Variants in GALNT14 observed in about 807,000 individuals in gnomAD.
GALNT14 encodes the protein polypeptide N-acetylgalactosaminyltransferase 14.
In GALNT14, 60 loss-of-function variants were observed where a neutral mutation model predicts 77.5. That is an observed-to-expected ratio of 0.77 (90% CI 0.63 to 0.96). The LOEUF (loss-of-function observed/expected upper bound fraction) is 0.96. Ranked by LOEUF, GALNT14 falls within the 40% of genes least tolerant of loss-of-function variation. The probability of loss-of-function intolerance (pLI) is 0.00; values close to 1 mark genes in which losing one functional copy is unlikely to be tolerated. For missense variants in GALNT14, 710 were observed against 731.0 expected, an observed-to-expected ratio of 0.97 and a Z score of 0.33; for synonymous variants, 280 against 281.7, an observed-to-expected ratio of 0.99 and a Z score of 0.06.
chr2:31,044,277 C>A (rs4952036), intron 1 of GALNT14, among the ~76,000 whole-genome samples: 62,888 of 151,824 alleles, frequency 0.41, 13,216 homozygotes, highest in East Asian at 0.53. Flanking sequence ...TCATTGTGTT[C>A]ACAAACTCAA....
At chr2:30,906,861 C>A (rs1664158195), downstream of GALNT14, among the ~76,000 whole-genome samples, 1 of 152,218 alleles carries the variant, frequency 6.6e-6, no homozygotes. Flanking sequence ...CAAACTATCT[C>A]TCAGACCACA....
intron 6 of GALNT14, 112 bp downstream of exon 6, chr2:30,955,506 C>A: frequency 7.0e-7 from 1 of 1,428,340 alleles, no homozygotes; most frequent in South Asian, 1.3e-5. Flanking sequence ...GCGATCTGTT[C>A]TGCCCACCTC....
chr2:31,065,222 T>C (rs1329660185), intron 1 of GALNT14: 3 of 152,088 alleles, frequency 2.0e-5, no homozygotes, highest in African/African-American at 7.2e-5. Context: ...TCCAGAGCCC[T>C]GAGGGCAAAG....
chr2:30,979,252 G>C (rs1336315017), intron 2 of GALNT14, among the ~76,000 whole-genome samples: 1 of 152,194 alleles, frequency 6.6e-6, no homozygotes, highest in African/African-American at 2.4e-5. Context: ...GATATCTCAG[G>C]GAGCAAGAGA....
chr2:30,926,808 G>A (rs530929603), intron 11 of GALNT14, among the ~76,000 whole-genome samples: 6 of 152,230 alleles, frequency 3.9e-5, no homozygotes. Flanking sequence ...CAGGGTGCAA[G>A]GAAGTCACGA....
At chr2:31,026,302 C>G (rs1292112085) in intron 1 of GALNT14, among the ~76,000 whole-genome samples, 5 of 152,192 alleles carry the variant, frequency 3.3e-5, no homozygotes, top group Non-Finnish European at 5.9e-5. Flanking sequence ...TTACTCTTCC[C>G]ACAATTATGG....
At chr2:30,952,192 G>T (rs747794105) in intron 6 of GALNT14, among the ~76,000 whole-genome samples, 13 of 152,118 alleles carry the variant, frequency 8.5e-5, no homozygotes, top group Non-Finnish European at 1.9e-4. Flanking sequence ...ATTTAAAAAA[G>T]ACACTTTCTG....
rs189364406 is a variant in GALNT14 at position 31,090,709 on chromosome 2, T to A, written c.129+47249A>T. On this transcript the variant is annotated intron_variant, in intron 1 of 14. Transcript: ENST00000349752. ...GTTGGCCAGGCTGGTCTCGAACTCC[T>A]GACCTCAGGTGATCCACCCGCTTCG... Among the ~76,000 whole-genome samples, 883 of 152,098 alleles carry A rather than the reference T, an allele frequency of 5.8e-3. 4 individuals are homozygous for A. Among genetic ancestry groups the A allele is most frequent in the Non-Finnish European group, 7.1e-3 (486 of 67,988 alleles).
chr2:31,060,399 G>A (rs1270923111), intron 1 of GALNT14, among the ~76,000 whole-genome samples: 5 of 152,120 alleles, frequency 3.3e-5, no homozygotes, highest in Non-Finnish European at 7.3e-5. Flanking sequence ...CAGGGCCAAT[G>A]TCCCACTCCT....
At chr2:30,960,403 T>A (rs1241826309) in intron 3 of GALNT14, among the ~76,000 whole-genome samples, 1 of 152,012 alleles carries the variant, frequency 6.6e-6, no homozygotes, top group Non-Finnish European at 1.5e-5. Context: ...TCTGCGAACA[T>A]CAAAAGGTAA....
chr2:31,050,756 T>C (rs551740733), intron 1 of GALNT14, among the ~76,000 whole-genome samples: 1 of 138,170 alleles, frequency 7.2e-6, no homozygotes, highest in Non-Finnish European at 1.5e-5. Flanking sequence ...AAAATTATTA[T>C]AAAGCAAAAA....
chr2:30,909,717 C>T (rs1222213080), downstream of GALNT14, among the ~76,000 whole-genome samples: 4 of 151,932 alleles, frequency 2.6e-5, no homozygotes. Flanking sequence ...TGGGTATATA[C>T]CCAAAGGACT....
chr2:30,888,660 G>A, the GALNT14 span, among the ~76,000 whole-genome samples: 8 of 152,106 alleles, frequency 5.3e-5, no homozygotes, highest in Non-Finnish European at 1.0e-4. Flanking sequence ...GATGGAAGTT[G>A]CCTACCTGAA....
chr2:30,990,052 G>A (rs1265774295), intron 2 of GALNT14, among the ~76,000 whole-genome samples: 1 of 152,100 alleles, frequency 6.6e-6, no homozygotes, highest in East Asian at 1.9e-4. Context: ...ATTCACAGCA[G>A]AGATCTTCAC....
intron 13 of GALNT14, among the ~76,000 whole-genome samples, chr2:30,915,147 G>A (rs564561008): frequency 2.2e-5 from 3 of 133,390 alleles, no homozygotes; most frequent in African/African-American, 5.6e-5. Flanking sequence ...TCTTTTGAGA[G>A]CCCACTTTGG....
chr2:31,031,046 A>T (rs1672377756), intron 1 of GALNT14, among the ~76,000 whole-genome samples: 1 of 152,200 alleles, frequency 6.6e-6, no homozygotes, highest in Non-Finnish European at 1.5e-5. Context: ...AGCAAGCTCC[A>T]ATTGTACAAT....
At chr2:31,065,991 C>A (rs1476968694) in intron 1 of GALNT14, among the ~76,000 whole-genome samples, 1 of 152,222 alleles carries the variant, frequency 6.6e-6, no homozygotes, top group African/African-American at 2.4e-5. Flanking sequence ...CCGCCCCACC[C>A]TCTTCCTACC....
chr2:31,080,559 A>G (rs908075625), intron 1 of GALNT14, among the ~76,000 whole-genome samples: 3 of 152,368 alleles, frequency 2.0e-5, no homozygotes, highest in Middle Eastern at 3.4e-3. Context: ...TTTCTTTAAA[A>G]ACAAATCACT....
intron 1 of GALNT14, among the ~76,000 whole-genome samples, chr2:31,097,300 C>T (rs1677049510): frequency 6.6e-6 from 1 of 152,106 alleles, no homozygotes; most frequent in Non-Finnish European, 1.5e-5. Context: ...TCTTTTGGTT[C>T]CTAGCATCCA....
Sources: gnomAD v4.1 joint callset for allele counts (sites outside exome capture counted in the v4.1 genomes callset) on GRCh38, gnomAD v4.1.1 for gene constraint, MANE v1.5 for transcripts, NCBI Gene and HGNC (gene_info 2026-07-23, HGNC 2026-07-21) for gene names.